ARID2: variants seen among roughly 807,000 people sequenced by gnomAD.
The protein encoded by ARID2 is AT-rich interaction domain 2, also known as AT-rich interactive domain-containing protein 2.
Under a neutral mutation model 184.6 loss-of-function variants are expected in ARID2, and 32 were observed. The observed-to-expected ratio is 0.17, with a 90% CI of 0.13 to 0.23. The LOEUF is 0.23. ARID2 is among the 10% of genes least tolerant of loss of function. The pLI, the probability that ARID2 is intolerant of heterozygous loss-of-function variation, is 1.00. For missense variants in ARID2, 1,696 were observed against 2,197.6 expected (o/e 0.77, Z 4.56); for synonymous variants, 836 against 772.6 (o/e 1.08, Z -1.36).
intron 16 of ARID2, among the ~76,000 whole-genome samples, chr12:45,876,237 T>A (rs1394273391): frequency 6.6e-6 from 1 of 152,148 alleles, no homozygotes; most frequent in African/African-American, 2.4e-5. Flanking sequence ...TAACAGCCAG[T>A]CAATGGAGTA....
rs2138131571 is a variant in ARID2, at chr12:45,837,530, G to C, written c.1153G>C (p.Glu385Gln). 1.2e-6 allele frequency: 2 copies of C among 1,614,008 alleles called. No homozygotes were observed. The highest frequency in any genetic ancestry group is 1.3e-5 in the African/African-American group (1 of 75,064). Residue 385 changes from glutamate (E) to glutamine (Q), a missense_variant, in exon 10 of 21, where the codon GAA becomes CAA. By Grantham distance (29) the Glu-to-Gln change is conservative (BLOSUM62 2). Transcript: ENST00000334344. The part of the protein sequence containing the change: ...MEILGNLCKA[E>Q]DNGVLICEYV... Reference sequence around the variant, plus strand: ...AATTTTGGGAAATCTTTGCAAAGCAGAAGATAATGGTGTTTTAATTTGTGA... The same window carrying C: ...AATTTTGGGAAATCTTTGCAAAGCACAAGATAATGGTGTTTTAATTTGTGA...
At chr12:45,844,210 G>A (rs1943403228) in intron 11 of ARID2, among the ~76,000 whole-genome samples, 3 of 151,926 alleles carry the variant, frequency 2.0e-5, no homozygotes. Context: ...GCTAAGGACG[G>A]GGTTTCACTA....
At chr12:45,747,840 T>G (rs1941388060) in intron 3 of ARID2, among the ~76,000 whole-genome samples, 1 of 152,198 alleles carries the variant, frequency 6.6e-6, no homozygotes, top group Non-Finnish European at 1.5e-5. Flanking sequence ...AATGTCTCCC[T>G]ATCTGTCTTC....
chr12:45,795,500 C>T (rs1268038580), intron 3 of ARID2, among the ~76,000 whole-genome samples: 2 of 151,934 alleles, frequency 1.3e-5, no homozygotes, highest in African/African-American at 2.4e-5. Context: ...GGTGCGATCT[C>T]GGCTCACTGC....
intron 3 of ARID2, among the ~76,000 whole-genome samples, chr12:45,760,105 A>C (rs1288968303): frequency 1.3e-5 from 2 of 152,212 alleles, no homozygotes; most frequent in Admixed American, 1.3e-4. Context: ...TCAAAGTATT[A>C]TAATCAGAAT....
At chr12:45,795,696 A>G (rs1035563646) in intron 3 of ARID2, among the ~76,000 whole-genome samples, 18 of 136,964 alleles carry the variant, frequency 1.3e-4, no homozygotes, top group African/African-American at 4.7e-4. Context: ...TTGGCCTCCC[A>G]AAGTGCTGGG....
intron 3 of ARID2, among the ~76,000 whole-genome samples, chr12:45,793,587 A>G (rs960198008): frequency 1.3e-5 from 2 of 151,342 alleles, no homozygotes; most frequent in Admixed American, 6.6e-5. Context: ...TATATATGCT[A>G]TATATGTCAT....
At chr12:45,825,484 C>G (rs971713926) in intron 6 of ARID2, among the ~76,000 whole-genome samples, 3 of 152,080 alleles carry the variant, frequency 2.0e-5, no homozygotes, top group Non-Finnish European at 2.9e-5. Flanking sequence ...TTTAGCTTTT[C>G]TTTATTGCTA....
intron 3 of ARID2, among the ~76,000 whole-genome samples, chr12:45,754,711 A>G (rs946266370): frequency 2.6e-5 from 4 of 152,182 alleles, no homozygotes; most frequent in South Asian, 2.1e-4. Context: ...AAACACTACT[A>G]TAACAACTTT....
chr12:45,892,748 A>G (rs1944317970), intron 18 of ARID2, among the ~76,000 whole-genome samples: 3 of 152,122 alleles, frequency 2.0e-5, no homozygotes, highest in Non-Finnish European at 2.9e-5. Context: ...ATAATGATGC[A>G]CTATATCTGC....
chr12:45,892,078 G>A lies in ARID2; in HGVS notation c.5129G>A (p.Ser1710Asn), dbSNP rs765829002. ...CAAGATGAACCAGGACAAGCAGGAA[G>A]TCAGAAGTCTTCTACCAAGTAAGGA... The part of the protein sequence containing the change: ...LKQDEPGQAG[S>N]QKSSTKQPTV... The change falls in exon 18 of 21, where the codon AGT becomes AAT. Residue 1710 changes from serine to asparagine, a missense_variant. Transcript: ENST00000334344. 27 of 1,613,892 alleles carry A rather than the reference G, an allele frequency of 1.7e-5. No individual in the cohort carries two copies. The highest frequency in any genetic ancestry group is 2.2e-5 in the Non-Finnish European group (26 of 1,179,950).
At chr12:45,772,416 C>G (rs765019666) in intron 3 of ARID2, among the ~76,000 whole-genome samples, 1 of 151,912 alleles carries the variant, frequency 6.6e-6, no homozygotes, top group African/African-American at 2.4e-5. Context: ...ATAGCAAGAC[C>G]CTGTTTACAA....
chr12:45,773,454 G>C (rs1459741348), intron 3 of ARID2, among the ~76,000 whole-genome samples: 2 of 152,004 alleles, frequency 1.3e-5, no homozygotes, highest in African/African-American at 2.4e-5. Flanking sequence ...TAAATCAAAA[G>C]CTGGGTCTTT....
At chr12:45,789,453 T>G (rs887825651) in intron 3 of ARID2, 1 of 152,224 alleles carries the variant, frequency 6.6e-6, no homozygotes, top group Non-Finnish European at 1.5e-5. Context: ...CTTTGATATT[T>G]GTTGAGACTT....
intron 12 of ARID2, among the ~76,000 whole-genome samples, chr12:45,847,192 T>G (rs1412589163): frequency 6.6e-6 from 1 of 152,096 alleles, no homozygotes; most frequent in East Asian, 1.9e-4. Context: ...CCATTTAACT[T>G]TTTTCAGAGT....
intron 3 of ARID2, among the ~76,000 whole-genome samples, chr12:45,795,581 C>T (rs983064721): frequency 7.9e-5 from 12 of 151,992 alleles, no homozygotes; most frequent in Admixed American, 3.3e-4. Flanking sequence ...TACAGGCGCC[C>T]GCCACCACGC....
At chr12:45,821,550 C>G in intron 6 of ARID2, 63 bp downstream of exon 6, 1 of 1,036,316 alleles carries the variant, frequency 9.6e-7, no homozygotes, top group African/African-American at 1.7e-5. Flanking sequence ...AACAATAGAT[C>G]AGTGGTTGCT....
chr12:45,841,557 A>G (rs2138141404), intron 11 of ARID2: 1 of 152,324 alleles, frequency 6.6e-6, no homozygotes. Flanking sequence ...CTTTTTGCTC[A>G]CTTCCCTCAA....
intron 3 of ARID2, among the ~76,000 whole-genome samples, chr12:45,776,612 A>C (rs1318527524): frequency 4.6e-5 from 7 of 152,120 alleles, no homozygotes; most frequent in Admixed American, 4.6e-4. Context: ...CTGAGACATG[A>C]AATCAAAGGA....
Sources: gnomAD v4.1 joint callset for allele counts (sites outside exome capture counted in the v4.1 genomes callset) on GRCh38, gnomAD v4.1.1 for gene constraint, MANE v1.5 for transcripts, NCBI Gene and HGNC (gene_info 2026-07-23, HGNC 2026-07-21) for gene names.